COL11A1: variants seen among roughly 807,000 people sequenced by gnomAD.
The protein encoded by COL11A1 is collagen type XI alpha 1 chain.
In COL11A1, 74 loss-of-function variants were observed where a neutral mutation model predicts 265.2. The observed-to-expected ratio is 0.28, with a 90% CI of 0.23 to 0.34. The LOEUF (loss-of-function observed/expected upper bound fraction) is 0.34. Among genes scored for constraint, COL11A1 ranks in the 10% least tolerant of loss-of-function variants. COL11A1 has a pLI of 1.00. For synonymous variants in COL11A1, 816 were observed against 727.6 expected, an observed-to-expected ratio of 1.12 and a Z score of -1.96; for missense variants, 2,165 against 2,263.6, an observed-to-expected ratio of 0.96 and a Z score of 0.88.
At chr1:103,044,115 C>A (rs1669051594) in intron 4 of COL11A1, among the ~76,000 whole-genome samples, 1 of 150,782 alleles carries the variant, frequency 6.6e-6, no homozygotes, top group South Asian at 2.1e-4. Context: ...AAAACCTATG[C>A]TTCCTGTCTA....
At chr1:102,918,754 A>G (rs891474514) in intron 49 of COL11A1, among the ~76,000 whole-genome samples, 4 of 152,090 alleles carry the variant, frequency 2.6e-5, no homozygotes, top group African/African-American at 9.6e-5. Flanking sequence ...AATTATTCTC[A>G]TAAGAGTCAA....
chr1:102,908,773 T>A (rs1173794844), intron 54 of COL11A1, among the ~76,000 whole-genome samples: 1 of 152,106 alleles, frequency 6.6e-6, no homozygotes, highest in Non-Finnish European at 1.5e-5. Flanking sequence ...AAGTAAATTA[T>A]CTTAATTTCT....
chr1:102,962,533 A>T lies in COL11A1; in HGVS notation c.3024+120T>A. The T allele has an allele frequency of 4.3e-6, 4 of 921,688 alleles. No individual in the cohort carries two copies. In the South Asian group the frequency reaches 5.5e-5, roughly 13 times the overall value. The allele number at this position is 921,688 out of a possible 1,614,324, so 57.1% of individuals were successfully genotyped here. A position where few individuals can be genotyped will look rare whatever the true frequency, so the allele number is the denominator to read the frequency against. On this transcript the variant is annotated intron_variant, in intron 39 of 66. Transcript: ENST00000370096. ...CTTGGAGTACAATAAACGCACATTA[A>T]ATATTTTCCTGACACATCTTCTGAC... is the stretch of plus-strand genomic sequence containing the variant.
intron 12 of COL11A1, among the ~76,000 whole-genome samples, chr1:103,015,232 G>A (rs1666465294): frequency 6.6e-6 from 1 of 151,490 alleles, no homozygotes; most frequent in Non-Finnish European, 1.5e-5. Flanking sequence ...CAAAACACCA[G>A]GGCAACAAAA....
At chr1:103,040,669 A>C (rs762378753) in intron 4 of COL11A1, among the ~76,000 whole-genome samples, 14 of 151,790 alleles carry the variant, frequency 9.2e-5, no homozygotes, top group Non-Finnish European at 1.6e-4. Flanking sequence ...AATATGATTG[A>C]AATTAACATT....
At chr1:103,040,983 T>C (rs1029054136) in intron 4 of COL11A1, among the ~76,000 whole-genome samples, 3 of 151,816 alleles carry the variant, frequency 2.0e-5, no homozygotes, top group Non-Finnish European at 4.4e-5. Context: ...TCAGTATTTA[T>C]TTTTAATGTG....
At chr1:103,021,664 G>T (rs1178244769) in intron 9 of COL11A1, 43 bp downstream of exon 9, 1 of 1,291,484 alleles carries the variant, frequency 7.7e-7, no homozygotes, top group Non-Finnish European at 1.1e-6. Context: ...TGGCTCATAA[G>T]CAATTTTACC....
rs202051513 is a variant in COL11A1 at position 102,978,658 on chromosome 1, T to G, written c.2754+50A>C. On this transcript the variant is annotated intron_variant, in intron 35 of 66. Coordinates refer to ENST00000370096, the MANE Select transcript of COL11A1 (RefSeq NM_001854.4). ...ATCTTTTCTCTGAAATCTAAATACT[T>G]GCAGAAATACTAATTTTCATTTTAT... 1.2e-3 allele frequency: 1,919 copies of G among 1,576,064 alleles called. 50 individuals are homozygous for G. In the South Asian group the frequency reaches 0.02, roughly 16 times the overall value.
At position 102,905,303 on chromosome 1, in the gene COL11A1, A is replaced by G. The variant is rs148791372; in HGVS notation, c.4087-6309T>C. Among the ~76,000 whole-genome samples, 1,219 of 151,392 alleles carry G rather than the reference A, an allele frequency of 8.1e-3. 16 individuals are homozygous for G. The highest frequency in any genetic ancestry group is 0.028 in the African/African-American group (1,156 of 41,206). ...ACGAGTTACTGGGTGCAGCACACCA[A>G]CATGGCACATGTATACATATGTAAC... On this transcript the variant is annotated intron_variant, in intron 54 of 66. Coordinates refer to ENST00000370096, the MANE Select transcript of COL11A1 (RefSeq NM_001854.4).
At chr1:102,957,861 A>T (rs1660523345) in intron 41 of COL11A1, among the ~76,000 whole-genome samples, 1 of 152,090 alleles carries the variant, frequency 6.6e-6, no homozygotes, top group South Asian at 2.1e-4. Context: ...AAAAAAATCT[A>T]CCATTCCAAG....
chr1:102,904,333 A>G (rs1431238999), intron 54 of COL11A1, among the ~76,000 whole-genome samples: 2 of 152,300 alleles, frequency 1.3e-5, no homozygotes, highest in East Asian at 3.9e-4. Context: ...TCATGTCTAA[A>G]ACACCAAAAG....
intron 19 of COL11A1, 21 bp downstream of exon 19, chr1:103,004,587 A>C (rs762401007): frequency 6.3e-7 from 1 of 1,597,948 alleles, no homozygotes; most frequent in Non-Finnish European, 8.5e-7. Flanking sequence ...ATATTTCTTA[A>C]GAAAAGAAGT....
In COL11A1 at chr1:103,078,717, A is replaced by T. The variant is rs777484544; in HGVS notation, c.429T>A (p.Thr143=). 1 of 1,613,482 alleles carries T rather than the reference A, an allele frequency of 6.2e-7. No homozygotes were observed. Among genetic ancestry groups the T allele is most frequent in the East Asian group, 2.2e-5 (1 of 44,826 alleles). Residue 143 remains threonine, a synonymous_variant, in exon 3 of 67, where the codon ACT becomes ACA. Transcript: ENST00000370096. ...RSPVFLFEDH[T]GKPAPEDYPL... Reference sequence around the variant, plus strand: ...GATAGTCTTCTGGGGCAGGTTTTCCAGTGTGGTCTTCAAACAGAAAAACAG... The same window carrying T: ...GATAGTCTTCTGGGGCAGGTTTTCCTGTGTGGTCTTCAAACAGAAAAACAG...
chr1:103,093,767 C>T (rs1028392195), intron 1 of COL11A1, among the ~76,000 whole-genome samples: 6 of 152,088 alleles, frequency 3.9e-5, no homozygotes. Flanking sequence ...ATGCCCCTGG[C>T]CACCCATAAC....
intron 57 of COL11A1, among the ~76,000 whole-genome samples, chr1:102,892,010 A>G (rs1403354479): frequency 1.3e-5 from 2 of 152,152 alleles, no homozygotes; most frequent in East Asian, 1.9e-4. Context: ...TACGCAGGCA[A>G]CAGATGCTGT....
rs1230024997 is a variant in COL11A1, at chr1:102,966,316, G to A, written c.2863-776C>T. On this transcript the variant is annotated intron_variant, in intron 37 of 66. Transcript: ENST00000370096. Reference sequence around the variant, plus strand: ...GAAAATATTGGGAGAAGTTTCGAAAGAACTGAATATTTTATTCCCTACAAC... The same window carrying A: ...GAAAATATTGGGAGAAGTTTCGAAAAAACTGAATATTTTATTCCCTACAAC... Among the ~76,000 whole-genome samples, 10 of 151,924 alleles carry A rather than the reference G, an allele frequency of 6.6e-5. No homozygotes were observed. The East Asian group carries it at 1.7e-3, about 26-fold the overall frequency.
intron 1 of COL11A1, among the ~76,000 whole-genome samples, chr1:103,087,781 A>G (rs1348701956): frequency 6.6e-6 from 1 of 152,182 alleles, no homozygotes; most frequent in Admixed American, 6.5e-5. Flanking sequence ...AACCTCTATT[A>G]TAGCACCTTT....
intron 41 of COL11A1, among the ~76,000 whole-genome samples, chr1:102,951,090 A>T (rs1401551932): frequency 6.6e-6 from 1 of 152,158 alleles, no homozygotes; most frequent in Non-Finnish European, 1.5e-5. Flanking sequence ...TAAATTATCT[A>T]GTCTCGGGCA....
Position 102,886,808 on chromosome 1 carries a change from A to G in COL11A1, c.4857T>C (p.Asp1619=), listed in dbSNP as rs1380883364. The change falls in exon 63 of 67, where the codon GAT becomes GAC. Residue 1619 remains aspartate, a splice_region_variant and synonymous_variant. Transcript: ENST00000370096. The stretch of plus-strand genomic sequence containing the variant: ...CTTTGTCATGTATTATTTACATACC[A>G]TCTGGGAAGTCAGGATGGCTGAGTT... ...DLQLSHPDFP[D]GEYWIDPNQG... 1 of 1,613,776 alleles carries G rather than the reference A, an allele frequency of 6.2e-7. No homozygotes were observed. Among genetic ancestry groups the G allele is most frequent in the Non-Finnish European group, 8.5e-7 (1 of 1,179,806 alleles).
Sources: gnomAD v4.1 joint callset for allele counts (sites outside exome capture counted in the v4.1 genomes callset) on GRCh38, gnomAD v4.1.1 for gene constraint, MANE v1.5 for transcripts, NCBI Gene and HGNC (gene_info 2026-07-23, HGNC 2026-07-21) for gene names.